Variants in CACNA2D3 observed in about 807,000 individuals in gnomAD.
The protein encoded by CACNA2D3 is calcium voltage-gated channel auxiliary subunit alpha2delta 3.
In CACNA2D3, 60 loss-of-function variants were observed where a neutral mutation model predicts 160.6. The ratio of observed to expected loss-of-function variants is 0.37; its 90% confidence interval spans 0.30 to 0.46. CACNA2D3 has a LOEUF of 0.46. Among genes scored for constraint, CACNA2D3 ranks in the 20% least tolerant of loss-of-function variants. CACNA2D3 has a pLI of 1.00. For synonymous variants in CACNA2D3, 558 were observed against 492.9 expected (o/e 1.13, Z -1.75); for missense variants, 1,205 against 1,365.0 (o/e 0.88, Z 1.85).
intron 4 of CACNA2D3, among the ~76,000 whole-genome samples, chr3:54,407,895 C>G (rs926101008): frequency 5.3e-5 from 8 of 152,112 alleles, no homozygotes; most frequent in African/African-American, 1.9e-4. Flanking sequence ...CTTTGCTCAT[C>G]CGTAAAAGGA....
At chr3:54,877,337 T>C (rs1197932028) in intron 18 of CACNA2D3, among the ~76,000 whole-genome samples, 1 of 152,170 alleles carries the variant, frequency 6.6e-6, no homozygotes, top group Non-Finnish European at 1.5e-5. Context: ...AAGATGGTAA[T>C]GAGGATGACG....
intron 35 of CACNA2D3, among the ~76,000 whole-genome samples, chr3:55,070,152 G>A (rs1388633): frequency 0.013 from 1,942 of 152,304 alleles, 23 homozygotes; most frequent in Non-Finnish European, 0.022. Flanking sequence ...TGTTGCCTTG[G>A]AAACTACAGT....
At chr3:54,338,303 T>G (rs184335922) in intron 3 of CACNA2D3, among the ~76,000 whole-genome samples, 54 of 152,338 alleles carry the variant, frequency 3.5e-4, no homozygotes, top group African/African-American at 1.2e-3. Flanking sequence ...AAGGAAAATA[T>G]GAACTCTAAC....
chr3:54,331,714 C>T (rs1704260634), intron 3 of CACNA2D3, among the ~76,000 whole-genome samples: 1 of 152,118 alleles, frequency 6.6e-6, no homozygotes, highest in African/African-American at 2.4e-5. Context: ...TGGAATCTTT[C>T]TTTTTTAAAG....
chr3:54,839,980 G>A (rs1698785270), intron 16 of CACNA2D3, among the ~76,000 whole-genome samples: 1 of 152,148 alleles, frequency 6.6e-6, no homozygotes, highest in South Asian at 2.1e-4. Context: ...ATGGAGATGA[G>A]GGAAGACTTT....
At chr3:54,885,710 A>T (rs1699908723) in intron 23 of CACNA2D3, 124 bp downstream of exon 23, 1 of 674,488 alleles carries the variant, frequency 1.5e-6, no homozygotes, top group Admixed American at 2.4e-5. Context: ...AGTCACATGA[A>T]ATCTAATCAA....
intron 5 of CACNA2D3, among the ~76,000 whole-genome samples, chr3:54,514,623 T>A (rs1354155673): frequency 6.6e-6 from 1 of 152,122 alleles, no homozygotes; most frequent in Non-Finnish European, 1.5e-5. Context: ...GAGGAAATGC[T>A]GTGGAGGAAA....
At chr3:54,648,917 G>A (rs2106860023) in intron 11 of CACNA2D3, among the ~76,000 whole-genome samples, 1 of 152,272 alleles carries the variant, frequency 6.6e-6, no homozygotes, top group African/African-American at 2.4e-5. Context: ...TTACCATGGG[G>A]CAGCACCAAG....
At chr3:54,330,634 A>G (rs937845189) in intron 3 of CACNA2D3, among the ~76,000 whole-genome samples, 1 of 152,190 alleles carries the variant, frequency 6.6e-6, no homozygotes, top group African/African-American at 2.4e-5. Context: ...CCATGAATAC[A>G]TGGGTACCAG....
chr3:54,820,358 G>A (rs1703563309), intron 14 of CACNA2D3, among the ~76,000 whole-genome samples: 1 of 152,032 alleles, frequency 6.6e-6, no homozygotes, highest in Admixed American at 6.6e-5. Flanking sequence ...GTAAGTTATG[G>A]TTTTCATGAT....
intron 4 of CACNA2D3, among the ~76,000 whole-genome samples, chr3:54,413,727 T>C (rs1699708959): frequency 6.6e-6 from 1 of 151,488 alleles, no homozygotes; most frequent in African/African-American, 2.4e-5. Flanking sequence ...GTATTTTTAG[T>C]TCCTGGATTT....
At chr3:54,795,244 G>T (rs536353612) in intron 13 of CACNA2D3, among the ~76,000 whole-genome samples, 2 of 151,956 alleles carry the variant, frequency 1.3e-5, no homozygotes, top group South Asian at 4.2e-4. Flanking sequence ...TTTGGTTTTG[G>T]TTTTTATTGG....
At chr3:54,351,577 T>C (rs1698566089) in intron 3 of CACNA2D3, among the ~76,000 whole-genome samples, 2 of 152,212 alleles carry the variant, frequency 1.3e-5, no homozygotes, top group African/African-American at 4.8e-5. Flanking sequence ...TTCAGCAGTT[T>C]ATATGGTTCC....
chr3:54,643,598 G>A (rs1261415272), intron 11 of CACNA2D3, among the ~76,000 whole-genome samples: 1 of 152,212 alleles, frequency 6.6e-6, no homozygotes, highest in East Asian at 1.9e-4. Flanking sequence ...GAAGTAGATG[G>A]AGGTTCACTC....
At chr3:55,004,377 G>A (rs1703043282) in intron 31 of CACNA2D3, among the ~76,000 whole-genome samples, 1 of 152,176 alleles carries the variant, frequency 6.6e-6, no homozygotes, top group South Asian at 2.1e-4. Context: ...TAGTTCTCCT[G>A]TCCCTTGGAG....
At chr3:55,026,387 G>T (rs1243616139) in intron 35 of CACNA2D3, among the ~76,000 whole-genome samples, 4 of 152,326 alleles carry the variant, frequency 2.6e-5, no homozygotes, top group Middle Eastern at 3.4e-3. Context: ...ACACTGGGCT[G>T]CACTTTGAGG....
At chr3:54,330,628 G>T (rs909043997) in intron 3 of CACNA2D3, among the ~76,000 whole-genome samples, 2 of 152,214 alleles carry the variant, frequency 1.3e-5, no homozygotes, top group Non-Finnish European at 2.9e-5. Flanking sequence ...AACCAGCCAT[G>T]AATACATGGG....
chr3:54,882,784 G>A (rs1006513025), intron 21 of CACNA2D3, among the ~76,000 whole-genome samples: 5 of 152,132 alleles, frequency 3.3e-5, no homozygotes, highest in African/African-American at 7.2e-5. Context: ...GGAGAGGGAA[G>A]GAGTTCCTTG....
At chr3:55,051,394 G>C (rs948026744) in intron 35 of CACNA2D3, among the ~76,000 whole-genome samples, 1 of 152,094 alleles carries the variant, frequency 6.6e-6, no homozygotes, top group Non-Finnish European at 1.5e-5. Context: ...CTGCTGGGGG[G>C]GTGCCTCCCA....
Sources: gnomAD v4.1 joint callset for allele counts (sites outside exome capture counted in the v4.1 genomes callset) on GRCh38, gnomAD v4.1.1 for gene constraint, MANE v1.5 for transcripts, NCBI Gene and HGNC (gene_info 2026-07-23, HGNC 2026-07-21) for gene names.